PTPRN: variants seen among roughly 807,000 people sequenced by gnomAD.
PTPRN encodes the protein receptor-type tyrosine-protein phosphatase-like N.
A neutral mutation model predicts 108.5 loss-of-function variants in PTPRN; 70 were observed. The ratio of observed to expected loss-of-function variants is 0.65; its 90% CI spans 0.53 to 0.79. The LOEUF (loss-of-function observed/expected upper bound fraction) is 0.79, where lower values mean the gene tolerates loss of function less well. PTPRN is among the 30% of genes least tolerant of loss of function. The pLI is 0.00. For synonymous variants in PTPRN, 496 were observed against 524.6 expected (o/e 0.95, Z 0.75); for missense variants, 1,136 against 1,295.5 (o/e 0.88, Z 1.89).
rs982100094 is a variant in PTPRN, at chr2:219,297,476, CTT to C, written c.1888-45_1888-44del. On this transcript the variant is annotated intron_variant, in intron 13 of 22. Coordinates refer to ENST00000295718, the MANE Select transcript of PTPRN (RefSeq NM_002846.4). This position sits in a 1 kb window ranked among gnomAD's most constrained non-coding sequence, Gnocchi z 6.0. ...GGTGAGGTCCAAGAGTCCCCTGAAA[CTT>C]TTCAACAGGGCCCTGGGTTCAACTC... 3.1e-6 allele frequency: 5 copies of C among 1,594,152 alleles called. No individual in the cohort carries two copies. Among genetic ancestry groups the C allele is most frequent in the East Asian group, 2.2e-5 (1 of 44,736 alleles).
rs149332815 is a variant in PTPRN at position 219,300,246 on chromosome 2, G to A, written c.1175C>T (p.Pro392Leu). ...GADIKKTMEGPVEGRDTAELP... is the reference protein window; with the variant it reads ...GADIKKTMEGLVEGRDTAELP... ...CTCTGCTGTGTCTCTGCCCTCCACCGGCCCCTCCATTGTCTGTTCAGAAGA... is the reference window on the plus strand; with the variant it reads ...CTCTGCTGTGTCTCTGCCCTCCACCAGCCCCTCCATTGTCTGTTCAGAAGA... Residue 392 changes from proline (P) to leucine (L), a missense_variant, in exon 9 of 23, where the codon CCG (proline) becomes CTG (leucine). Physicochemically the swap from Pro to Leu is moderately conservative, Grantham distance 98. Transcript: ENST00000295718. 1,406 of 1,573,340 alleles carry A rather than the reference G, an allele frequency of 8.9e-4. 5 individuals are homozygous for A. Among genetic ancestry groups the A allele is most frequent in the Middle Eastern group, 7.8e-3 (44 of 5,624 alleles).
chr2:219,297,211 T>G lies in PTPRN; in HGVS notation c.2088+22A>C. On this transcript the variant is annotated intron_variant, in intron 14 of 22. Coordinates refer to ENST00000295718, the MANE Select transcript of PTPRN (RefSeq NM_002846.4). The surrounding 1 kb of genome is among the most constrained non-coding windows in gnomAD (Gnocchi z 6.0). ...CACCATCCCATTCCTTCACCCACTCTGGGCCCAGGCCCTGTCCTGACCAGA... is the reference window on the plus strand; with the variant it reads ...CACCATCCCATTCCTTCACCCACTCGGGGCCCAGGCCCTGTCCTGACCAGA... 6.2e-7 allele frequency: 1 copy of G among 1,611,544 alleles called. No homozygotes were observed. The highest frequency in any genetic ancestry group is 8.5e-7 in the Non-Finnish European group (1 of 1,178,198).
chr2:219,299,617 C>G, intron 10 of PTPRN, 83 bp downstream of exon 10: 1 of 1,368,524 alleles, frequency 7.3e-7, no homozygotes, highest in Non-Finnish European at 1.0e-6. Context: ...TCTGCTCTTC[C>G]TCCCGCAGGC....
rs766199011 is a variant in PTPRN, at chr2:219,297,227, C to G, written c.2088+6G>C. On this transcript the variant is annotated splice_donor_region_variant and intron_variant, in intron 14 of 22. Transcript: ENST00000295718. This position sits in a 1 kb window ranked among gnomAD's most constrained non-coding sequence, Gnocchi z 6.0. ...CACCCACTCTGGGCCCAGGCCCTGT[C>G]CTGACCAGAATCATGTGTCCCGTGG... The G allele has an allele frequency of 2.5e-6, 4 of 1,613,442 alleles. No individual in the cohort carries two copies. The highest frequency in any genetic ancestry group is 3.4e-6 in the Non-Finnish European group (4 of 1,179,642).
rs1179578119 is a variant in PTPRN, at chr2:219,290,530, A to G, written c.2868+8T>C. 4 of 1,550,982 alleles carry G rather than the reference A, an allele frequency of 2.6e-6. No individual in the cohort carries two copies. In the African/African-American group the frequency reaches 5.5e-5, roughly 21 times the overall value. ...GGAGCTGGGGTTGGGGCAGGAAGGC[A>G]TGGTCACCTTAGAGCGGACAAGGCC... On this transcript the variant is annotated splice_region_variant and intron_variant, in intron 22 of 22. Transcript: ENST00000295718. The surrounding 1 kb of genome is among the most constrained non-coding windows in gnomAD (Gnocchi z 4.2).
In PTPRN at chr2:219,297,295, G is replaced by A; in HGVS notation, c.2026C>T (p.Pro676Ser). 6.2e-7 allele frequency: 1 copy of A among 1,614,096 alleles called. No homozygotes were observed. The highest frequency in any genetic ancestry group is 8.5e-7 in the Non-Finnish European group (1 of 1,180,028). ...TGGGCCGGCTCCTCGCACCAGGACG[G>A]GGTGCTGCTGTGGGAGCTGGGGCTG... Reference protein sequence around the residue: ...QASPSSHSSTPSWCEEPAQAN... With the variant: ...QASPSSHSSTSSWCEEPAQAN... The change falls in exon 14 of 23, where the codon CCG becomes TCG. Residue 676 changes from proline (P) to serine (S), a missense_variant. Coordinates refer to ENST00000295718, the MANE Select transcript of PTPRN (RefSeq NM_002846.4). The surrounding 1 kb of genome is among the most constrained non-coding windows in gnomAD (Gnocchi z 6.0).
chr2:219,308,054 C>T (rs1359788610), intron 1 of PTPRN: 3 of 576,110 alleles, frequency 5.2e-6, no homozygotes, highest in Non-Finnish European at 9.2e-6. Flanking sequence ...GAGTCTGTAT[C>T]CTTAAAAGCC....
In PTPRN at chr2:219,290,527, G is replaced by GCTTC; in HGVS notation, c.2868+10_2868+11insGAAG. 1 of 1,550,936 alleles carries GCTTC rather than the reference G, an allele frequency of 6.4e-7. No individual in the cohort carries two copies. Among genetic ancestry groups the GCTTC allele is most frequent in the Non-Finnish European group, 8.7e-7 (1 of 1,146,422 alleles). ...GTGGGAGCTGGGGTTGGGGCAGGAA[G>GCTTC]GCATGGTCACCTTAGAGCGGACAAG... On this transcript the variant is annotated intron_variant, in intron 22 of 22. Coordinates refer to ENST00000295718, the MANE Select transcript of PTPRN (RefSeq NM_002846.4). This position sits in a 1 kb window ranked among gnomAD's most constrained non-coding sequence, Gnocchi z 4.2.
At position 219,296,260 on chromosome 2, in the gene PTPRN, G is replaced by A. The variant is rs768975767; in HGVS notation, c.2474C>T (p.Pro825Leu). The change falls in exon 18 of 23, where the codon CCA (proline) becomes CTA (leucine). Residue 825 changes from proline to leucine, a missense_variant. By Grantham distance (98) the Pro-to-Leu change is moderately conservative (BLOSUM62 -3). Coordinates refer to ENST00000295718, the MANE Select transcript of PTPRN (RefSeq NM_002846.4). This position sits in a 1 kb window ranked among gnomAD's most constrained non-coding sequence, Gnocchi z 6.0. ...DGVKQCDRYW[P>L]DEGASLYHVY... ...GTGGTAGAGGGAGGCACCCTCATCT[G>A]GCCAGTAGCGGTCACACTGCTTGAC... The A allele has an allele frequency of 2.5e-6, 4 of 1,614,098 alleles. No homozygotes were observed. The highest frequency in any genetic ancestry group is 3.4e-6 in the Non-Finnish European group (4 of 1,180,028).
intron 19 of PTPRN, among the ~76,000 whole-genome samples, chr2:219,293,250 G>A (rs372922184): frequency 9.9e-5 from 15 of 152,158 alleles, no homozygotes; most frequent in African/African-American, 3.1e-4. Flanking sequence ...GCACGGTCTC[G>A]TCTCACTGCA....
Position 219,309,334 on chromosome 2 carries a change from T to C in PTPRN, c.-2A>G, listed in dbSNP as rs6736979. 0.13 allele frequency: 189,408 copies of C among 1,434,826 alleles called. 15,491 individuals are homozygous for C. The highest frequency in any genetic ancestry group is 0.4 in the African/African-American group (26,353 of 65,890). 88.9% of individuals were successfully genotyped at this position (1,434,826 alleles called of 1,614,324 possible). ...CCCAGGCCGCCGCGGGCGCCGCATCTTTCCGAGCTCCGGGCGCTCGCTCCC... is the reference window on the plus strand; with the variant it reads ...CCCAGGCCGCCGCGGGCGCCGCATCCTTCCGAGCTCCGGGCGCTCGCTCCC... On this transcript the variant is annotated 5_prime_UTR_variant, in exon 1 of 23. Transcript: ENST00000295718.
Position 219,302,307 on chromosome 2 carries a change from T to G in PTPRN, c.824A>C (p.Asp275Ala). Residue 275 changes from aspartate (D) to alanine (A), a missense_variant, in exon 6 of 23, where the codon GAC (aspartate) becomes GCC (alanine). Coordinates refer to ENST00000295718, the MANE Select transcript of PTPRN (RefSeq NM_002846.4). ...CTGGGCCAGATAGAGCAGCCCAGAG[T>G]CTTGAAAAAGCTGGGCAGGTGAAGG... ...PGPSPAQLFQ[D>A]SGLLYLAQEL... 2 of 1,613,816 alleles carry G rather than the reference T, an allele frequency of 1.2e-6. No homozygotes were observed. Among genetic ancestry groups the G allele is most frequent in the Non-Finnish European group, 1.7e-6 (2 of 1,179,898 alleles).
intron 19 of PTPRN, among the ~76,000 whole-genome samples, chr2:219,293,635 A>G (rs984592240): frequency 3.3e-5 from 5 of 152,222 alleles, no homozygotes; most frequent in Admixed American, 3.3e-4. Context: ...AAATATGGAA[A>G]AAAGGAAATA....
chr2:219,299,622 G>T, intron 10 of PTPRN, 78 bp downstream of exon 10: 1 of 1,390,746 alleles, frequency 7.2e-7, no homozygotes, highest in Non-Finnish European at 1.0e-6. Context: ...TCTTCCTCCC[G>T]CAGGCCCCTC....
intron 1 of PTPRN, chr2:219,308,926 G>A (rs890469832): frequency 2.1e-6 from 3 of 1,410,782 alleles, no homozygotes; most frequent in Middle Eastern, 1.9e-4. Context: ...TGGTCTCGCA[G>A]CCGGTCTCTA....
intron 7 of PTPRN, 46 bp downstream of exon 7, chr2:219,301,542 C>T: frequency 6.3e-7 from 1 of 1,578,452 alleles, no homozygotes; most frequent in Non-Finnish European, 8.7e-7. Flanking sequence ...AAGAGGCCTC[C>T]ATGGAGCCGG....
At chr2:219,306,240 A>T (rs1952481841) in intron 3 of PTPRN, among the ~76,000 whole-genome samples, 1 of 152,228 alleles carries the variant, frequency 6.6e-6, no homozygotes, top group Non-Finnish European at 1.5e-5. Context: ...TTCACGAAAT[A>T]ATGCTGACTA....
chr2:219,307,722 T>C, intron 2 of PTPRN, 70 bp downstream of exon 2: 2 of 1,570,004 alleles, frequency 1.3e-6, no homozygotes, highest in Non-Finnish European at 1.8e-6. Context: ...CTGGGCCTTC[T>C]CTCCCCTTCT....
In PTPRN at chr2:219,298,048, C is replaced by A; in HGVS notation, c.1724G>T (p.Arg575Leu). ...PQTAHSTSPMRSVLLTLVALA... is the reference protein window; with the variant it reads ...PQTAHSTSPMLSVLLTLVALA... ...GGCCACCAGAGTGAGCAGCACTGAG[C>A]GCATGGGTGAGGTGCTGTGCGCAGT... The change falls in exon 13 of 23, where the codon CGC becomes CTC. Residue 575 changes from arginine (R) to leucine (L), a missense_variant. Physicochemically the swap from Arg to Leu is moderately radical, Grantham distance 102. Transcript: ENST00000295718. The A allele has an allele frequency of 6.2e-7, 1 of 1,614,056 alleles. No individual in the cohort carries two copies. The highest frequency in any genetic ancestry group is 8.5e-7 in the Non-Finnish European group (1 of 1,180,000).
Sources: gnomAD v4.1 joint callset for allele counts (sites outside exome capture counted in the v4.1 genomes callset) on GRCh38, gnomAD v4.1.1 for gene constraint, Gnocchi (gnomAD v3.1) non-coding constraint, MANE v1.5 for transcripts, NCBI Gene and HGNC (gene_info 2026-07-23, HGNC 2026-07-21) for gene names.